Variants in KLF16 observed in about 807,000 individuals in gnomAD.
KLF16 encodes the protein KLF transcription factor 16, also known as Krueppel-like factor 16.
KLF16 carries 6 observed loss-of-function variants against 6.1 expected under a neutral mutation model. That is an observed-to-expected ratio of 0.98 (90% CI 0.54 to 1.93). The LOEUF (loss-of-function observed/expected upper bound fraction) is 1.93. Ranked by LOEUF, KLF16 falls within the 30% of genes most tolerant of loss-of-function variation. The pLI is 0.01. For missense variants in KLF16, 355 were observed against 363.8 expected, an observed-to-expected ratio of 0.98 and a Z score of 0.20; for synonymous variants, 211 against 176.5, an observed-to-expected ratio of 1.20 and a Z score of -1.55.
At position 1,863,129 on chromosome 19, in the gene KLF16, G is replaced by C; in HGVS notation, c.369C>G (p.Ala123=). 1 of 1,339,854 alleles carries C rather than the reference G, an allele frequency of 7.5e-7. No individual in the cohort carries two copies. The highest frequency in any genetic ancestry group is 9.7e-7 in the Non-Finnish European group (1 of 1,027,332). The allele number at this position is 1,339,854 out of a possible 1,614,324, so 83.0% of individuals were successfully genotyped here. A position where few individuals can be genotyped will look rare whatever the true frequency, so the allele number is the denominator to read the frequency against. ...GGAAGGGACAGCGGTGGCTCTTGGC[G>C]GCGGCGGAGGGCGCGGCGCCGGGGG... The part of the protein sequence containing the change: ...GRAPGAAPSA[A]AKSHRCPFPD... Residue 123 remains alanine (A), a synonymous_variant, in exon 1 of 2, where the codon GCC becomes GCG. Coordinates refer to ENST00000250916, the MANE Select transcript of KLF16 (RefSeq NM_031918.4).
rs1292177646 is a variant in KLF16, at chr19:1,863,209, C to T, written c.289G>A (p.Gly97Ser). ...LRGGPGAAPG[G>S]ASPASSSSAA... ...GAGGAGGAGGAGGCGGGCGAGGCGC[C>T]CCCCGGGGCGGCTCCGGGTCCGCCG... The change falls in exon 1 of 2, where the codon GGC becomes AGC. Residue 97 changes from glycine (G) to serine (S), a missense_variant. Coordinates refer to ENST00000250916, the MANE Select transcript of KLF16 (RefSeq NM_031918.4). 2 of 1,139,562 alleles carry T rather than the reference C, an allele frequency of 1.8e-6. No homozygotes were observed. Among genetic ancestry groups the T allele is most frequent in the Admixed American group, 5.1e-5 (1 of 19,664 alleles). The allele number at this position is 1,139,562 out of a possible 1,614,324, so 70.6% of individuals were successfully genotyped here. A position where few individuals can be genotyped will look rare whatever the true frequency, so the allele number is the denominator to read the frequency against.
rs1323406919 is a variant in KLF16 at position 1,863,146 on chromosome 19, C to G, written c.352G>C (p.Ala118Pro). 1 of 1,315,388 alleles carries G rather than the reference C, an allele frequency of 7.6e-7. No individual in the cohort carries two copies. The highest frequency in any genetic ancestry group is 1.7e-5 in the South Asian group (1 of 57,884). 81.5% of individuals were successfully genotyped at this position (1,315,388 alleles called of 1,614,324 possible). Residue 118 changes from alanine to proline, a missense_variant, in exon 1 of 2, where the codon GCC (alanine) becomes CCC (proline). Coordinates refer to ENST00000250916, the MANE Select transcript of KLF16 (RefSeq NM_031918.4). ...CTCTTGGCGGCGGCGGAGGGCGCGG[C>G]GCCGGGGGCGCGGCCCGAGGACGGG... ...SSPSSGRAPG[A>P]APSAAAKSHR...
chr19:1,874,793 G>T, the KLF16 span: 1 of 107,530 alleles, frequency 9.3e-6, no homozygotes, highest in Non-Finnish European at 1.8e-5. Context: ...CTACTAGACA[G>T]AAAGCGAATT....
intron 1 of KLF16, among the ~76,000 whole-genome samples, chr19:1,856,423 CAG>C (rs1318770230): frequency 2.6e-5 from 4 of 152,210 alleles, no homozygotes; most frequent in Non-Finnish European, 5.9e-5. Context: ...AGACTGCAGA[CAG>C]AGACCAGCAG....
At chr19:1,872,279 C>T in the KLF16 span, among the ~76,000 whole-genome samples, 1 of 152,150 alleles carries the variant, frequency 6.6e-6, no homozygotes, top group African/African-American at 2.4e-5. Context: ...TACAGGCGCC[C>T]GCCACCATGC....
upstream of KLF16, among the ~76,000 whole-genome samples, chr19:1,865,591 C>T (rs983521465): frequency 6.6e-6 from 1 of 152,218 alleles, no homozygotes; most frequent in Admixed American, 6.5e-5. Flanking sequence ...GCCACATGGC[C>T]CCAGGCAGGA....
upstream of KLF16, among the ~76,000 whole-genome samples, chr19:1,866,026 G>A (rs1187172834): frequency 1.3e-5 from 2 of 152,194 alleles, no homozygotes; most frequent in Non-Finnish European, 2.9e-5. Flanking sequence ...GCTGCAGGCC[G>A]GGTGCAGTGG....
chr19:1,863,895 T>G (rs2012132562), upstream of KLF16, among the ~76,000 whole-genome samples: 1 of 145,344 alleles, frequency 6.9e-6, no homozygotes. Flanking sequence ...TTCTCCGCGC[T>G]AGGGTGCAAG....
At chr19:1,864,405 A>C (rs2012149378), upstream of KLF16, among the ~76,000 whole-genome samples, 1 of 148,900 alleles carries the variant, frequency 6.7e-6, no homozygotes, top group African/African-American at 2.5e-5. Flanking sequence ...CGGCCGAGAC[A>C]CCCGGTATCC....
chr19:1,856,954 G>GGGGGGGGGGA (rs1568732213), intron 1 of KLF16, among the ~76,000 whole-genome samples: 1 of 112,380 alleles, frequency 8.9e-6, no homozygotes, highest in African/African-American at 3.7e-5. Flanking sequence ...GGTTGCCGGG[G>GGGGGGGGGGA]TGGGGGGGGC....
rs527368235 is a variant in KLF16, at chr19:1,857,701, G to T, written c.458-2941C>A. 3.0e-3 allele frequency among the ~76,000 whole-genome samples: 449 copies of T among 152,130 alleles called. 1 individual carries two copies. Among genetic ancestry groups the T allele is most frequent in the African/African-American group, 9.8e-3 (408 of 41,486 alleles). On this transcript the variant is annotated intron_variant, in intron 1 of 1. Coordinates refer to ENST00000250916, the MANE Select transcript of KLF16 (RefSeq NM_031918.4). The surrounding 1 kb of genome is among the most constrained non-coding windows in gnomAD (Gnocchi z 4.7). ...GGGGCTGTGGCCGGCTGCCTGCCGG[G>T]GCACTCACGTCCACCTAACAGGTGG...
At chr19:1,862,805 C>T (rs1312433651) in intron 1 of KLF16, 6 of 360,534 alleles carry the variant, frequency 1.7e-5, no homozygotes, top group African/African-American at 1.3e-4. Context: ...TCGCTGGGCC[C>T]CCGGAGCCCC....
At chr19:1,874,493 A>G in the KLF16 span, among the ~76,000 whole-genome samples, 5,729 of 151,480 alleles carry the variant, frequency 0.038, 360 homozygotes, top group African/African-American at 0.13. Context: ...ATATATGGGG[A>G]AAAAAAAACC....
At chr19:1,856,400 C>A (rs1472563007) in intron 1 of KLF16, among the ~76,000 whole-genome samples, 2 of 152,200 alleles carry the variant, frequency 1.3e-5, no homozygotes, top group African/African-American at 4.8e-5. Context: ...ACCCCGACAC[C>A]CTCAGCAAAA....
At chr19:1,868,807 T>A in the KLF16 span, among the ~76,000 whole-genome samples, 1 of 152,082 alleles carries the variant, frequency 6.6e-6, no homozygotes, top group African/African-American at 2.4e-5. Context: ...CATGCCCAGA[T>A]AATTTTTGTA....
At chr19:1,865,189 T>C (rs2012167825), upstream of KLF16, among the ~76,000 whole-genome samples, 1 of 152,176 alleles carries the variant, frequency 6.6e-6, no homozygotes, top group Non-Finnish European at 1.5e-5. Flanking sequence ...TTCAGCGAAG[T>C]GTGGGAGGGT....
intron 1 of KLF16, among the ~76,000 whole-genome samples, chr19:1,860,873 C>T (rs1599194974): frequency 6.6e-6 from 1 of 152,180 alleles, no homozygotes; most frequent in African/African-American, 2.4e-5. Flanking sequence ...GAAACCGAAT[C>T]CAAGGTGCCT....
At chr19:1,870,413 T>C in the KLF16 span, among the ~76,000 whole-genome samples, 1 of 151,842 alleles carries the variant, frequency 6.6e-6, no homozygotes, top group African/African-American at 2.4e-5. Context: ...GGCTCATGAC[T>C]GTAATCCCAG....
chr19:1,864,308 G>A (rs1457967781), upstream of KLF16, among the ~76,000 whole-genome samples: 1 of 152,114 alleles, frequency 6.6e-6, no homozygotes, highest in African/African-American at 2.4e-5. Flanking sequence ...CCGGCCTGGG[G>A]CCCTGCTTTG....
Sources: gnomAD v4.1 joint callset for allele counts (sites outside exome capture counted in the v4.1 genomes callset) on GRCh38, gnomAD v4.1.1 for gene constraint, Gnocchi (gnomAD v3.1) non-coding constraint, MANE v1.5 for transcripts, NCBI Gene and HGNC (gene_info 2026-07-23, HGNC 2026-07-21) for gene names.